ADGRL3: variants seen among roughly 807,000 people sequenced by gnomAD.
ADGRL3 encodes adhesion G protein-coupled receptor L3, also known as calcium-independent alpha-latrotoxin receptor 3.
In ADGRL3, 62 loss-of-function variants were observed where a neutral mutation model predicts 153.5. The ratio of observed to expected loss-of-function variants is 0.40; its 90% CI spans 0.33 to 0.50. The LOEUF (loss-of-function observed/expected upper bound fraction) is 0.50, where lower values mean the gene tolerates loss of function less well. Ranked by LOEUF, ADGRL3 falls within the 20% of genes least tolerant of loss-of-function variation. The pLI is 0.47. For missense variants in ADGRL3, 1,641 were observed against 1,859.4 expected (o/e 0.88, Z 2.16); for synonymous variants, 710 against 672.5 (o/e 1.06, Z -0.86).
intron 8 of ADGRL3, among the ~76,000 whole-genome samples, chr4:61,807,345 T>C (rs867293476): frequency 2.1e-3 from 317 of 152,146 alleles, no homozygotes; most frequent in African/African-American, 7.3e-3. Flanking sequence ...CTTTTTTTTT[T>C]TTAGTTTTTT....
chr4:62,020,236 A>G (rs1343905522), intron 21 of ADGRL3, among the ~76,000 whole-genome samples: 1 of 152,184 alleles, frequency 6.6e-6, no homozygotes, highest in East Asian at 1.9e-4. Flanking sequence ...GGCAAGGATT[A>G]CAAAAAGTTA....
chr4:61,766,364 T>A (rs2096979828), intron 8 of ADGRL3, among the ~76,000 whole-genome samples: 1 of 152,082 alleles, frequency 6.6e-6, no homozygotes. Context: ...CTAAAAGTAT[T>A]AATGCAGCGG....
At chr4:61,615,529 A>T (rs1420800145) in intron 5 of ADGRL3, among the ~76,000 whole-genome samples, 1 of 151,950 alleles carries the variant, frequency 6.6e-6, no homozygotes, top group African/African-American at 2.4e-5. Context: ...CAAAAGAACG[A>T]AGAAGAACAG....
chr4:61,930,175 C>CAA (rs5858743), intron 13 of ADGRL3, among the ~76,000 whole-genome samples: 1,103 of 72,534 alleles, frequency 0.015, 10 homozygotes, highest in African/African-American at 0.026. Flanking sequence ...GACTCTGTCT[C>CAA]AAAAAAAAAA....
intron 4 of ADGRL3, among the ~76,000 whole-genome samples, chr4:61,586,954 A>G (rs1370277241): frequency 6.6e-6 from 1 of 152,096 alleles, no homozygotes; most frequent in Non-Finnish European, 1.5e-5. Flanking sequence ...CACTAGGCCA[A>G]GAGTTTAATA....
chr4:61,406,197 A>T (rs867614613), intron 2 of ADGRL3, among the ~76,000 whole-genome samples: 3 of 151,832 alleles, frequency 2.0e-5, no homozygotes, highest in African/African-American at 7.2e-5. Context: ...AAAAAAAAAA[A>T]TTGTGGAATA....
intron 26 of ADGRL3, among the ~76,000 whole-genome samples, chr4:62,069,642 A>G (rs892543095): frequency 2.0e-5 from 3 of 152,092 alleles, no homozygotes; most frequent in Non-Finnish European, 4.4e-5. Context: ...AAAGTACCAC[A>G]CATGAATTAT....
chr4:62,019,625 C>T (rs181590533), intron 21 of ADGRL3, among the ~76,000 whole-genome samples: 21 of 152,042 alleles, frequency 1.4e-4, no homozygotes, highest in African/African-American at 5.1e-4. Context: ...ATAATTATAT[C>T]TCATTGGGCT....
Position 61,280,107 on chromosome 4 carries a change from C to CTTTTTTTTTTTTTTT in ADGRL3, c.-240+78347_-240+78348insTTTTTTTTTTTTTTT, listed in dbSNP as rs771732117. On this transcript the variant is annotated intron_variant, in intron 1 of 26. Transcript: ENST00000683033. ...AAAGTATTTTCTTTTCTTTTCTTTT[C>CTTTTTTTTTTTTTTT]TTTTTCTTTTTTTTTTTTTTGAGAC... Among the ~76,000 whole-genome samples the CTTTTTTTTTTTTTTT allele has an allele frequency of 3.4e-4, 32 of 94,644 alleles. 3 individuals carry two copies. The highest frequency in any genetic ancestry group is 5.7e-4 in the African/African-American group (15 of 26,184). 62.1% of individuals were successfully genotyped at this position (94,644 alleles called of 152,430 possible).
intron 9 of ADGRL3, among the ~76,000 whole-genome samples, chr4:61,827,829 A>G (rs1050938407): frequency 8.5e-5 from 13 of 152,192 alleles, no homozygotes; most frequent in African/African-American, 3.1e-4. Flanking sequence ...AAGATCACCC[A>G]TTATTGATTC....
chr4:61,531,968 A>G (rs986603078), intron 4 of ADGRL3, among the ~76,000 whole-genome samples: 3 of 152,214 alleles, frequency 2.0e-5, no homozygotes, highest in South Asian at 4.1e-4. Context: ...TACCACATGC[A>G]TATAAAATAA....
chr4:61,666,062 G>A (rs948420168), intron 5 of ADGRL3, among the ~76,000 whole-genome samples: 1 of 152,154 alleles, frequency 6.6e-6, no homozygotes, highest in Non-Finnish European at 1.5e-5. Flanking sequence ...AGATGACAGA[G>A]GTAGGTGCCA....
chr4:61,225,339 A>C (rs956844413), intron 1 of ADGRL3, among the ~76,000 whole-genome samples: 12 of 152,208 alleles, frequency 7.9e-5, no homozygotes, highest in African/African-American at 2.9e-4. Context: ...TGATGGCCCC[A>C]CAGTTAAAGG....
chr4:61,428,455 A>G (rs1249642492), intron 2 of ADGRL3, among the ~76,000 whole-genome samples: 3 of 152,222 alleles, frequency 2.0e-5, no homozygotes, highest in Admixed American at 2.0e-4. Flanking sequence ...ATTAAAGGGA[A>G]TGTTAAGGAA....
chr4:61,642,033 G>A (rs2093700339), intron 5 of ADGRL3, among the ~76,000 whole-genome samples: 2 of 150,366 alleles, frequency 1.3e-5, no homozygotes, highest in Admixed American at 6.6e-5. Flanking sequence ...TTCTCTGATG[G>A]CCAGTGATGA....
At chr4:61,400,388 T>C (rs1024312303) in intron 2 of ADGRL3, among the ~76,000 whole-genome samples, 3 of 151,748 alleles carry the variant, frequency 2.0e-5, no homozygotes, top group African/African-American at 7.2e-5. Flanking sequence ...CCAAAAACTT[T>C]TACGGTATAT....
chr4:61,493,821 C>T (rs1465092060), intron 2 of ADGRL3, among the ~76,000 whole-genome samples: 2 of 152,194 alleles, frequency 1.3e-5, no homozygotes, highest in African/African-American at 4.8e-5. Flanking sequence ...TAATTATTTT[C>T]ATCCATTTTC....
intron 4 of ADGRL3, among the ~76,000 whole-genome samples, chr4:61,541,370 T>TTC (rs397993641): frequency 1.6e-5 from 2 of 125,698 alleles, no homozygotes; most frequent in African/African-American, 3.2e-5. Context: ...TTTTTTTTTT[T>TTC]CTGACACCTG....
chr4:61,810,435 G>A (rs976835605), intron 8 of ADGRL3, among the ~76,000 whole-genome samples: 7 of 152,202 alleles, frequency 4.6e-5, no homozygotes, highest in African/African-American at 9.6e-5. Flanking sequence ...GTCTTTCTCC[G>A]TCCTAGTTCC....
Sources: allele counts gnomAD v4.1 joint callset (sites outside exome capture counted in the v4.1 genomes callset), GRCh38; gene constraint gnomAD v4.1.1; transcripts MANE v1.5; gene names NCBI Gene and HGNC (gene_info 2026-07-23, HGNC 2026-07-21).